The following SEPTIN9 variants were observed in gnomAD, a reference collection of about 807,000 sequenced individuals.
SEPTIN9 encodes septin 9.
A neutral mutation model predicts 56.6 loss-of-function variants in SEPTIN9; 13 were observed. The ratio of observed to expected loss-of-function variants is 0.23; its 90% confidence interval spans 0.15 to 0.37. The LOEUF is 0.37. Among genes scored for constraint, SEPTIN9 ranks in the 10% least tolerant of loss-of-function variants. SEPTIN9 has a pLI of 1.00. For missense variants in SEPTIN9, 650 were observed against 823.1 expected (o/e 0.79, Z 2.57); for synonymous variants, 332 against 334.1 (o/e 0.99, Z 0.07).
Position 77,307,215 on chromosome 17 carries a change from C to T in SEPTIN9, c.76+18C>T, listed in dbSNP as rs1386748686. On this transcript the variant is annotated intron_variant, in intron 2 of 11. Coordinates refer to ENST00000427177, the MANE Select transcript of SEPTIN9 (RefSeq NM_001113491.2). ...TGGCCCAGGTAGGTGGCTCGCTCCGCTCTGGCCCCACCCAGCTCATGGGTG... is the reference window on the plus strand; with the variant it reads ...TGGCCCAGGTAGGTGGCTCGCTCCGTTCTGGCCCCACCCAGCTCATGGGTG... The T allele has an allele frequency of 2.5e-6, 4 of 1,611,320 alleles. No individual in the cohort carries two copies. The East Asian group carries it at 6.7e-5, about 27-fold the overall frequency.
intron 1 of SEPTIN9, among the ~76,000 whole-genome samples, chr17:77,299,953 A>G (rs757747508): frequency 1.3e-5 from 2 of 152,206 alleles, no homozygotes; most frequent in African/African-American, 4.8e-5. Context: ...ACAGAGGCCA[A>G]CGGCACCGCA....
chr17:77,419,397 C>G (rs779599082), intron 3 of SEPTIN9, among the ~76,000 whole-genome samples: 1 of 152,152 alleles, frequency 6.6e-6, no homozygotes, highest in East Asian at 1.9e-4. Flanking sequence ...GTACCTGTGC[C>G]CCAGCTGACC....
chr17:77,476,635 TGA>T lies in SEPTIN9; in HGVS notation c.722-5508_722-5507del, dbSNP rs2039225334. On this transcript the variant is annotated intron_variant, in intron 3 of 11. Transcript: ENST00000427177. This position sits in a 1 kb window ranked among gnomAD's most constrained non-coding sequence, Gnocchi z 6.0. ...GGGGCAGTCCCCATCACGGGACCGG[TGA>T]CCTACTGCCACCAGCGCCAGTGAAT... Among the ~76,000 whole-genome samples, 1 of 152,210 alleles carries T rather than the reference TGA, an allele frequency of 6.6e-6. No homozygotes were observed. Among genetic ancestry groups the T allele is most frequent in the Non-Finnish European group, 1.5e-5 (1 of 68,026 alleles).
At chr17:77,382,218 A>C (rs570922997) in intron 2 of SEPTIN9, among the ~76,000 whole-genome samples, 13 of 152,118 alleles carry the variant, frequency 8.5e-5, no homozygotes, top group South Asian at 6.2e-4. Context: ...TAGTAGAGAC[A>C]AGGTTTCATC....
chr17:77,409,060 A>G (rs1376051965), intron 3 of SEPTIN9, among the ~76,000 whole-genome samples: 1 of 152,096 alleles, frequency 6.6e-6, no homozygotes, highest in Non-Finnish European at 1.5e-5. Flanking sequence ...GGTGTCCAGA[A>G]GGCACTGACG....
At chr17:77,324,754 C>T (rs1245026500) in intron 2 of SEPTIN9, among the ~76,000 whole-genome samples, 2 of 151,746 alleles carry the variant, frequency 1.3e-5, no homozygotes, top group Non-Finnish European at 2.9e-5. Context: ...CCATATCTGA[C>T]CTATGATTTG....
At chr17:77,343,168 A>T (rs2033791563) in intron 2 of SEPTIN9, among the ~76,000 whole-genome samples, 1 of 152,160 alleles carries the variant, frequency 6.6e-6, no homozygotes, top group African/African-American at 2.4e-5. Flanking sequence ...CAGCCTGGGG[A>T]TAAGGGCTGG....
intron 3 of SEPTIN9, chr17:77,454,448 C>T (rs2038105274): frequency 1.2e-6 from 1 of 865,522 alleles, no homozygotes. Flanking sequence ...GCCCAGTCCG[C>T]TGTACGTGTG....
chr17:77,384,887 A>T lies in SEPTIN9; in HGVS notation c.77-17172A>T, dbSNP rs994072705. Among the ~76,000 whole-genome samples, 26 of 133,206 alleles carry T rather than the reference A, an allele frequency of 2.0e-4. No homozygotes were observed. The South Asian group carries it at 4.1e-3, about 21-fold the overall frequency. 87.4% of individuals were successfully genotyped at this position (133,206 alleles called of 152,430 possible). On this transcript the variant is annotated intron_variant, in intron 2 of 11. Transcript: ENST00000427177. ...CACACACACACACACACACACACACACTCCCCAGTAAAGAGTGGAAAGACA... is the reference window on the plus strand; with the variant it reads ...CACACACACACACACACACACACACTCTCCCCAGTAAAGAGTGGAAAGACA...
intron 3 of SEPTIN9, among the ~76,000 whole-genome samples, chr17:77,409,497 C>CGT (rs2036213429): frequency 6.6e-6 from 1 of 152,124 alleles, no homozygotes; most frequent in Non-Finnish European, 1.5e-5. Context: ...TTAAATAGAG[C>CGT]GCAGCTGCGG....
chr17:77,373,403 G>A (rs1225795506), intron 2 of SEPTIN9: 2 of 1,259,456 alleles, frequency 1.6e-6, no homozygotes, highest in African/African-American at 1.6e-5. Context: ...GCAGGAGCGC[G>A]GGCGCGGCGC....
At chr17:77,370,240 G>A (rs891587835) in intron 2 of SEPTIN9, among the ~76,000 whole-genome samples, 9 of 152,198 alleles carry the variant, frequency 5.9e-5, no homozygotes, top group Non-Finnish European at 1.0e-4. Flanking sequence ...TGCCAGCAGG[G>A]CCAGCTTCCT....
At chr17:77,286,625 C>T (rs1273782998) in intron 1 of SEPTIN9, among the ~76,000 whole-genome samples, 2 of 152,210 alleles carry the variant, frequency 1.3e-5, no homozygotes, top group East Asian at 3.9e-4. Context: ...CCTCCTCTGA[C>T]ACTCTCCTGC....
chr17:77,315,176 A>G (rs1037753898), intron 2 of SEPTIN9, among the ~76,000 whole-genome samples: 1 of 152,180 alleles, frequency 6.6e-6, no homozygotes, highest in African/African-American at 2.4e-5. Flanking sequence ...GGGCAAGGAC[A>G]GGAGTGGAGG....
chr17:77,320,028 T>TC, intron 2 of SEPTIN9: 1 of 1,347,802 alleles, frequency 7.4e-7, no homozygotes. Flanking sequence ...CTTCGGGCCC[T>TC]CTCTCCTGCC....
chr17:77,498,438 G>A (rs1458377999), intron 11 of SEPTIN9, 85 bp from the exon 12 acceptor site: 40 of 765,134 alleles, frequency 5.2e-5, no homozygotes, highest in Middle Eastern at 3.9e-4. Flanking sequence ...GCCTGAGTCC[G>A]AGGCAGGCCG....
intron 2 of SEPTIN9, among the ~76,000 whole-genome samples, chr17:77,401,289 G>A (rs1361762646): frequency 6.6e-6 from 1 of 152,206 alleles, no homozygotes; most frequent in Non-Finnish European, 1.5e-5. Context: ...TAGTGTCATT[G>A]ATGGGGTTTT....
intron 2 of SEPTIN9, among the ~76,000 whole-genome samples, chr17:77,349,519 C>T (rs932576649): frequency 5.9e-5 from 9 of 152,170 alleles, no homozygotes; most frequent in African/African-American, 1.4e-4. Flanking sequence ...CTTTGGCCTC[C>T]GTTGTTTCTG....
At chr17:77,459,645 T>A (rs1475954265) in intron 3 of SEPTIN9, among the ~76,000 whole-genome samples, 1 of 151,970 alleles carries the variant, frequency 6.6e-6, no homozygotes, top group Non-Finnish European at 1.5e-5. Flanking sequence ...CCCAGGAAGC[T>A]TTTCCTCATG....
Sources: allele counts gnomAD v4.1 joint callset (sites outside exome capture counted in the v4.1 genomes callset), GRCh38; gene constraint gnomAD v4.1.1; non-coding constraint Gnocchi (gnomAD v3.1); transcripts MANE v1.5; gene names NCBI Gene and HGNC (gene_info 2026-07-23, HGNC 2026-07-21).